GREB1L: variants seen among roughly 807,000 people sequenced by gnomAD.
The protein encoded by GREB1L is GREB1 like retinoic acid receptor coactivator, also known as GREB1-like protein.
Under a neutral mutation model 200.8 loss-of-function variants are expected in GREB1L, and 17 were observed. The observed-to-expected ratio is 0.08, with a 90% CI of 0.06 to 0.13. The LOEUF is 0.13. Ranked by LOEUF, GREB1L falls within the 10% of genes least tolerant of loss-of-function variation. The probability of loss-of-function intolerance (pLI) is 1.00; values close to 1 mark genes in which losing one functional copy is unlikely to be tolerated. For synonymous variants in GREB1L, 789 were observed against 893.0 expected (o/e 0.88, Z 2.08); for missense variants, 1,657 against 2,367.7 (o/e 0.70, Z 6.23).
chr18:21,332,096 A>G (rs2039114035), intron 1 of GREB1L, among the ~76,000 whole-genome samples: 1 of 152,246 alleles, frequency 6.6e-6, no homozygotes, highest in Non-Finnish European at 1.5e-5. Flanking sequence ...AAAAGATTTC[A>G]ATGAAAAATC....
chr18:21,496,323 C>T, intron 20 of GREB1L, 131 bp from the exon 21 acceptor site: 3 of 933,224 alleles, frequency 3.2e-6, no homozygotes, highest in Non-Finnish European at 4.8e-6. Context: ...GCTGAGGTTT[C>T]AGTCAAGGCT....
rs533876516 is a variant in GREB1L, at chr18:21,326,424, G to C, written c.-119-39603G>C. Among the ~76,000 whole-genome samples, 10 of 152,194 alleles carry C rather than the reference G, an allele frequency of 6.6e-5. No individual in the cohort carries two copies. In the East Asian group the frequency reaches 1.5e-3, roughly 24 times the overall value. On this transcript the variant is annotated intron_variant, in intron 1 of 32. Coordinates refer to ENST00000424526, the MANE Select transcript of GREB1L (RefSeq NM_001142966.3). ...CAATCTAGGTCCAAGATGGTGTCAG[G>C]GACCCAGGCTTTTTCTGTCTTTAGA...
At chr18:21,289,482 T>A (rs2038412058) in intron 1 of GREB1L, among the ~76,000 whole-genome samples, 1 of 151,884 alleles carries the variant, frequency 6.6e-6, no homozygotes, top group Non-Finnish European at 1.5e-5. Context: ...GAGGCTGCAG[T>A]CAGTGAGCTA....
chr18:21,516,877 GT>G (rs11413472), intron 30 of GREB1L, 123 bp downstream of exon 30: 16,637 of 491,116 alleles, frequency 0.034, no homozygotes, highest in South Asian at 0.049. Flanking sequence ...ACACAAGGGA[GT>G]TTTTTTTTTT....
chr18:21,312,346 A>G (rs2038804746), intron 1 of GREB1L, among the ~76,000 whole-genome samples: 1 of 152,120 alleles, frequency 6.6e-6, no homozygotes, highest in African/African-American at 2.4e-5. Flanking sequence ...ATTCCCAGTA[A>G]TGAAATTGCT....
chr18:21,353,379 CTAGAA>C (rs2039462409), intron 1 of GREB1L, among the ~76,000 whole-genome samples: 1 of 151,970 alleles, frequency 6.6e-6, no homozygotes, highest in Non-Finnish European at 1.5e-5. Context: ...ATTACTGTTA[CTAGAA>C]TATGCTTAAC....
Position 21,454,754 on chromosome 18 carries a change from A to G in GREB1L, c.2182+191A>G, listed in dbSNP as rs1428918820. 4 of 605,166 alleles carry G rather than the reference A, an allele frequency of 6.6e-6. No individual in the cohort carries two copies. The African/African-American group carries it at 7.4e-5, about 11-fold the overall frequency. 37.5% of individuals were successfully genotyped at this position (605,166 alleles called of 1,614,324 possible). A position where few individuals can be genotyped will look rare whatever the true frequency, so the allele number is the denominator to read the frequency against. The stretch of plus-strand genomic sequence containing the variant: ...AAAGTACTCTGTCCTTTTTCCCTCA[A>G]GGTCAAGGGTAAATTGTTGTGCATG... On this transcript the variant is annotated intron_variant, in intron 15 of 32. Transcript: ENST00000424526.
chr18:21,454,467 C>T lies in GREB1L; in HGVS notation c.2086C>T (p.Leu696=). 6.4e-7 allele frequency: 1 copy of T among 1,551,632 alleles called. No individual in the cohort carries two copies. Among genetic ancestry groups the T allele is most frequent in the South Asian group, 1.2e-5 (1 of 84,062 alleles). ...CAIADSGSQS[L]DLGHFSKVDF... Reference sequence around the variant, plus strand: ...TATAGCGGACAGTGGCAGCCAGAGCCTGGACCTCGGTCACTTCAGCAAAGT... The same window carrying T: ...TATAGCGGACAGTGGCAGCCAGAGCTTGGACCTCGGTCACTTCAGCAAAGT... The change falls in exon 15 of 33, where the codon CTG becomes TTG. Residue 696 remains leucine (L), a synonymous_variant. Coordinates refer to ENST00000424526, the MANE Select transcript of GREB1L (RefSeq NM_001142966.3).
At chr18:21,421,993 A>G (rs73425719) in intron 7 of GREB1L, among the ~76,000 whole-genome samples, 3 of 152,200 alleles carry the variant, frequency 2.0e-5, no homozygotes, top group Non-Finnish European at 4.4e-5. Context: ...GAGCTGTATG[A>G]CCTAGTGGGA....
chr18:21,301,217 C>A (rs539588522), intron 1 of GREB1L, among the ~76,000 whole-genome samples: 37 of 152,302 alleles, frequency 2.4e-4, no homozygotes, highest in Non-Finnish European at 4.1e-4. Context: ...GCCTCCTTAT[C>A]TATGTGCATT....
chr18:21,290,716 C>G (rs1389377380), intron 1 of GREB1L, among the ~76,000 whole-genome samples: 1 of 150,868 alleles, frequency 6.6e-6, no homozygotes, highest in African/African-American at 2.4e-5. Flanking sequence ...CCTAGCTACT[C>G]AGGAAGCTGA....
Position 21,307,135 on chromosome 18 carries a change from A to G in GREB1L, c.-119-58892A>G, listed in dbSNP as rs1443355. Among the ~76,000 whole-genome samples the G allele has an allele frequency of 4.6e-5, 7 of 152,244 alleles. No individual in the cohort carries two copies. The South Asian group carries it at 1.5e-3, about 32-fold the overall frequency. ...CAGTCCCAACTGTCTTCTGTGTTCCACTGCACGGTAGCAATTTTTCCTTTA... is the reference window on the plus strand; with the variant it reads ...CAGTCCCAACTGTCTTCTGTGTTCCGCTGCACGGTAGCAATTTTTCCTTTA... On this transcript the variant is annotated intron_variant, in intron 1 of 32. Coordinates refer to ENST00000424526, the MANE Select transcript of GREB1L (RefSeq NM_001142966.3).
intron 7 of GREB1L, among the ~76,000 whole-genome samples, chr18:21,433,815 T>A (rs1176634355): frequency 6.6e-6 from 1 of 152,128 alleles, no homozygotes. Flanking sequence ...CTCAGAGAGG[T>A]TTGACAGTCC....
At chr18:21,455,943 G>T (rs1292491420) in intron 15 of GREB1L, among the ~76,000 whole-genome samples, 2 of 115,962 alleles carry the variant, frequency 1.7e-5, no homozygotes, top group African/African-American at 3.4e-5. Context: ...TCACTCTGTT[G>T]CCCAGGCAGG....
At chr18:21,303,305 CT>C (rs1256899044) in intron 1 of GREB1L, among the ~76,000 whole-genome samples, 1 of 152,150 alleles carries the variant, frequency 6.6e-6, no homozygotes, top group Non-Finnish European at 1.5e-5. Context: ...ATCTGTTAGA[CT>C]TGCACAGAAA....
Position 21,473,096 on chromosome 18 carries a change from G to T in GREB1L, c.2248G>T (p.Val750Phe), listed in dbSNP as rs1001477330. The change falls in exon 16 of 33, where the codon GTT becomes TTT. Residue 750 changes from valine to phenylalanine, a missense_variant. Around this residue, in one of 9 missense-constraint regions of GREB1L, gnomAD observed 239 missense variants for 421.8 expected, o/e 0.57. Transcript: ENST00000424526. ...CCATCAGAGAGCAGAAAAATATGTTGTTCGTCTAGACAATGAGATTCAAAC... is the reference window on the plus strand; with the variant it reads ...CCATCAGAGAGCAGAAAAATATGTTTTTCGTCTAGACAATGAGATTCAAAC... ...TAHQRAEKYV[V>F]RLDNEIQTKF... 3.2e-6 allele frequency: 5 copies of T among 1,550,884 alleles called. No homozygotes were observed. In the African/African-American group the frequency reaches 4.1e-5, roughly 13 times the overall value.
intron 11 of GREB1L, among the ~76,000 whole-genome samples, chr18:21,445,402 A>G (rs1207698903): frequency 6.6e-6 from 1 of 152,114 alleles, no homozygotes; most frequent in Non-Finnish European, 1.5e-5. Context: ...TGAACCCGGG[A>G]GGCGGAGGTT....
chr18:21,258,312 A>G (rs150517117), intron 1 of GREB1L, among the ~76,000 whole-genome samples: 144 of 152,316 alleles, frequency 9.5e-4, no homozygotes, highest in African/African-American at 3.4e-3. Context: ...AGTGGGAGTC[A>G]GATCTTGTTT....
intron 1 of GREB1L, among the ~76,000 whole-genome samples, chr18:21,278,373 T>A (rs1478560583): frequency 7.7e-6 from 1 of 129,060 alleles, no homozygotes; most frequent in Non-Finnish European, 1.6e-5. Flanking sequence ...AGAGCAAGAC[T>A]CCATCTCAAA....
Sources: gnomAD v4.1 joint callset for allele counts (sites outside exome capture counted in the v4.1 genomes callset) on GRCh38, gnomAD v4.1.1 for gene constraint, gnomAD v4.1.1 regional missense constraint, MANE v1.5 for transcripts, NCBI Gene and HGNC (gene_info 2026-07-23, HGNC 2026-07-21) for gene names.